TSC22D1: variants seen among roughly 807,000 people sequenced by gnomAD.
TSC22D1 encodes TSC22 domain family member 1, also known as TSC22 domain family protein 1.
Under a neutral mutation model 74.2 loss-of-function variants are expected in TSC22D1, and 9 were observed. The observed-to-expected ratio is 0.12, with a 90% confidence interval of 0.07 to 0.21. The LOEUF is 0.21. TSC22D1 is among the 10% of genes least tolerant of loss of function. The probability of loss-of-function intolerance (pLI) is 1.00; values close to 1 mark genes in which losing one functional copy is unlikely to be tolerated. For synonymous variants in TSC22D1, 586 were observed against 492.5 expected (o/e 1.19, Z -2.51); for missense variants, 1,427 against 1,304.7 (o/e 1.09, Z -1.44).
At chr13:44,509,505 T>C (rs1485686898) in intron 1 of TSC22D1, among the ~76,000 whole-genome samples, 2 of 152,162 alleles carry the variant, frequency 1.3e-5, no homozygotes, top group Non-Finnish European at 2.9e-5. Flanking sequence ...CCGGACGTGG[T>C]GGCGGGCGCC....
chr13:44,470,213 C>T (rs566783135), intron 1 of TSC22D1, among the ~76,000 whole-genome samples: 1 of 152,128 alleles, frequency 6.6e-6, no homozygotes, highest in Non-Finnish European at 1.5e-5. Flanking sequence ...TCCCCCTAGT[C>T]AAATCTTTTA....
chr13:44,564,925 T>C (rs1322551253), intron 1 of TSC22D1, among the ~76,000 whole-genome samples: 1 of 152,128 alleles, frequency 6.6e-6, no homozygotes, highest in Non-Finnish European at 1.5e-5. Flanking sequence ...AAAGAAACTA[T>C]CAAGAATGAC....
chr13:44,517,829 G>A (rs7987494), intron 1 of TSC22D1, among the ~76,000 whole-genome samples: 2,036 of 14,200 alleles, frequency 0.14, 315 homozygotes, highest in African/African-American at 0.22. Context: ...GTGTGTGTGT[G>A]TATATATATA....
intron 1 of TSC22D1, among the ~76,000 whole-genome samples, chr13:44,466,984 G>A (rs1351856653): frequency 2.6e-5 from 4 of 151,986 alleles, no homozygotes; most frequent in South Asian, 2.1e-4. Context: ...CCAACAAAGC[G>A]AAACCCCATT....
Position 44,573,981 on chromosome 13 carries a change from G to A in TSC22D1, c.2094C>T (p.Pro698=). The change falls in exon 1 of 3, where the codon CCC becomes CCT. Residue 698 remains proline, a synonymous_variant. Transcript: ENST00000458659. ...CTGCAGGTTGTGCTGGGACTGCTGT[G>A]GGCTGCACTGGCAGCTGGATACCCT... ...QPQGIQLPVQ[P]TAVPAQPAGA... 1.2e-6 allele frequency: 2 copies of A among 1,614,014 alleles called. No homozygotes were observed. The highest frequency in any genetic ancestry group is 2.2e-5 in the East Asian group (1 of 44,888).
intron 1 of TSC22D1, among the ~76,000 whole-genome samples, chr13:44,558,590 A>T (rs1882840077): frequency 6.6e-6 from 1 of 152,012 alleles, no homozygotes; most frequent in Non-Finnish European, 1.5e-5. Flanking sequence ...AAATACAAAA[A>T]TTAGCCGGGC....
At chr13:44,456,663 C>T (rs4942331) in intron 1 of TSC22D1, among the ~76,000 whole-genome samples, 57,103 of 151,718 alleles carry the variant, frequency 0.38, 10,860 homozygotes, top group Non-Finnish European at 0.41. Flanking sequence ...GTGTAGGGAA[C>T]TGAAGAAACT....
chr13:44,571,700 G>T (rs1883774742), intron 1 of TSC22D1, among the ~76,000 whole-genome samples: 1 of 151,968 alleles, frequency 6.6e-6, no homozygotes, highest in Non-Finnish European at 1.5e-5. Context: ...AAAATTAAAG[G>T]TTTAACAATA....
intron 1 of TSC22D1, among the ~76,000 whole-genome samples, chr13:44,501,803 A>T (rs1233574091): frequency 6.6e-6 from 1 of 152,220 alleles, no homozygotes; most frequent in African/African-American, 2.4e-5. Context: ...GAGAGAAAAC[A>T]TAAGCGCTAA....
intron 1 of TSC22D1, among the ~76,000 whole-genome samples, chr13:44,488,115 G>A (rs1484498356): frequency 6.6e-6 from 1 of 152,106 alleles, no homozygotes; most frequent in African/African-American, 2.4e-5. Context: ...AAAATCTACA[G>A]AACACATCCT....
intron 1 of TSC22D1, among the ~76,000 whole-genome samples, chr13:44,499,913 C>T (rs1349176595): frequency 6.6e-6 from 1 of 151,570 alleles, no homozygotes; most frequent in Non-Finnish European, 1.5e-5. Flanking sequence ...ATGGTGAAAC[C>T]CCATCTCTAC....
intron 1 of TSC22D1, among the ~76,000 whole-genome samples, chr13:44,532,609 G>T (rs1290415068): frequency 6.6e-6 from 1 of 152,112 alleles, no homozygotes; most frequent in Non-Finnish European, 1.5e-5. Flanking sequence ...GAGTAGCTGG[G>T]ACTATAGGCG....
intron 1 of TSC22D1, among the ~76,000 whole-genome samples, chr13:44,549,861 C>T (rs1193181826): frequency 1.3e-5 from 2 of 151,454 alleles, no homozygotes; most frequent in African/African-American, 2.4e-5. Context: ...AACTACTCAT[C>T]TGGTAGTTGA....
intron 1 of TSC22D1, among the ~76,000 whole-genome samples, chr13:44,465,853 AC>A (rs1177757892): frequency 6.6e-6 from 1 of 152,084 alleles, no homozygotes; most frequent in African/African-American, 2.4e-5. Flanking sequence ...GGCACCTGTA[AC>A]CCCAGCCACT....
Position 44,435,904 on chromosome 13 carries a change from A to C in TSC22D1, c.2964+140T>G, listed in dbSNP as rs1032895958. 2.4e-5 allele frequency: 22 copies of C among 930,388 alleles called. No individual in the cohort carries two copies. In the South Asian group the frequency reaches 3.1e-4, roughly 13 times the overall value. 57.6% of individuals were successfully genotyped at this position (930,388 alleles called of 1,614,324 possible). On this transcript the variant is annotated intron_variant, in intron 2 of 2. Transcript: ENST00000458659. ...GTGGTAGGTGGCTCCACGCTGGCCGAATGGAGACAGCGCCGGCATTTCTAC... is the reference window on the plus strand; with the variant it reads ...GTGGTAGGTGGCTCCACGCTGGCCGCATGGAGACAGCGCCGGCATTTCTAC...
At chr13:44,494,622 A>G (rs982395708) in intron 1 of TSC22D1, among the ~76,000 whole-genome samples, 1 of 151,980 alleles carries the variant, frequency 6.6e-6, no homozygotes, top group Non-Finnish European at 1.5e-5. Context: ...AACAAAAACA[A>G]ACTCTGAGGA....
At chr13:44,536,233 C>T (rs977672214) in intron 1 of TSC22D1, among the ~76,000 whole-genome samples, 1 of 151,834 alleles carries the variant, frequency 6.6e-6, no homozygotes, top group East Asian at 1.9e-4. Flanking sequence ...TTTTAATCCA[C>T]CAATTGTCAT....
At position 44,434,084 on chromosome 13, in the gene TSC22D1, A is replaced by G; in HGVS notation, c.*542T>C. On this transcript the variant is annotated 3_prime_UTR_variant, in exon 3 of 3. Coordinates refer to ENST00000458659, the MANE Select transcript of TSC22D1 (RefSeq NM_183422.4). ...TGTGTCATCCATTGTTTGAGAAGAA[A>G]GAGGCACAGTACTATTGTTTTTTAT... 3 of 1,527,798 alleles carry G rather than the reference A, an allele frequency of 2.0e-6. No individual in the cohort carries two copies. The highest frequency in any genetic ancestry group is 1.2e-5 in the South Asian group (1 of 82,004). The allele number at this position is 1,527,798 out of a possible 1,614,324, so 94.6% of individuals were successfully genotyped here. A position where few individuals can be genotyped will look rare whatever the true frequency, so the allele number is the denominator to read the frequency against.
chr13:44,512,297 G>A (rs1346582644), intron 1 of TSC22D1, among the ~76,000 whole-genome samples: 1 of 152,042 alleles, frequency 6.6e-6, no homozygotes, highest in African/African-American at 2.4e-5. Context: ...AGCCTCCCGA[G>A]TAGCTGGGAC....
Sources: gnomAD v4.1 joint callset for allele counts (sites outside exome capture counted in the v4.1 genomes callset) on GRCh38, gnomAD v4.1.1 for gene constraint, MANE v1.5 for transcripts, NCBI Gene and HGNC (gene_info 2026-07-23, HGNC 2026-07-21) for gene names.